MCU: variants seen among roughly 807,000 people sequenced by gnomAD.
MCU encodes calcium uniporter protein, mitochondrial.
MCU carries 12 observed loss-of-function variants against 45.2 expected under a neutral mutation model. The observed-to-expected ratio is 0.27, with a 90% CI of 0.17 to 0.43. MCU has a LOEUF of 0.43. Ranked by LOEUF, MCU falls within the 20% of genes least tolerant of loss-of-function variation. The pLI, the probability that MCU is intolerant of heterozygous loss-of-function variation, is 1.00. For missense variants in MCU, 324 were observed against 436.7 expected (o/e 0.74, Z 2.30); for synonymous variants, 160 against 165.1 (o/e 0.97, Z 0.24).
chr10:72,849,879 G>C (rs533131771), intron 2 of MCU, among the ~76,000 whole-genome samples: 13 of 151,752 alleles, frequency 8.6e-5, no homozygotes, highest in Admixed American at 7.9e-4. Flanking sequence ...AATTGCATTG[G>C]ATTGAACTCT....
chr10:72,806,234 C>T (rs527275622), intron 1 of MCU, among the ~76,000 whole-genome samples: 139 of 150,776 alleles, frequency 9.2e-4, no homozygotes, highest in Admixed American at 6.8e-3. Context: ...CTTGGCTCAC[C>T]GCAACCTCCG....
chr10:72,791,864 T>G (rs1486467923), intron 1 of MCU, among the ~76,000 whole-genome samples: 2 of 152,092 alleles, frequency 1.3e-5, no homozygotes, highest in Non-Finnish European at 2.9e-5. Flanking sequence ...CTAAAAAGAT[T>G]TTTAAGTGAT....
intron 1 of MCU, among the ~76,000 whole-genome samples, chr10:72,810,198 C>G (rs1459686868): frequency 6.6e-6 from 1 of 151,780 alleles, no homozygotes; most frequent in Non-Finnish European, 1.5e-5. Context: ...GACTTCTTTC[C>G]CTGTGTTAGA....
At chr10:72,872,412 C>G (rs1248003797) in intron 6 of MCU, among the ~76,000 whole-genome samples, 1 of 152,174 alleles carries the variant, frequency 6.6e-6, no homozygotes, top group African/African-American at 2.4e-5. Flanking sequence ...TCTCCTCTAC[C>G]CTTCCCAGCC....
intron 1 of MCU, 103 bp from the exon 2 acceptor site, chr10:72,834,256 A>T: frequency 3.0e-6 from 2 of 676,916 alleles, no homozygotes; most frequent in Non-Finnish European, 4.7e-6. Context: ...CAAAGCATGC[A>T]TATTACTTAA....
chr10:72,760,049 T>G (rs1211509607), intron 1 of MCU, among the ~76,000 whole-genome samples: 1 of 14,978 alleles, frequency 6.7e-5, no homozygotes, highest in Non-Finnish European at 1.9e-4. Flanking sequence ...AAACTTTAAA[T>G]TTTTTTTTTT....
chr10:72,853,524 A>G (rs1845240571), intron 2 of MCU, among the ~76,000 whole-genome samples: 1 of 152,220 alleles, frequency 6.6e-6, no homozygotes, highest in Admixed American at 6.5e-5. Flanking sequence ...CAATATCACA[A>G]TGGCCTAACA....
In MCU at chr10:72,884,307, A is replaced by G. The variant is rs779260184; in HGVS notation, c.903A>G (p.Leu301=). 1.2e-6 allele frequency: 2 copies of G among 1,612,134 alleles called. No individual in the cohort carries two copies. Among genetic ancestry groups the G allele is most frequent in the South Asian group, 2.2e-5 (2 of 91,054 alleles). The change falls in exon 7 of 8, where the codon CTA becomes CTG. Residue 301 remains leucine (L), a synonymous_variant. Transcript: ENST00000373053. ...AAGCCAGAGACAGACAATACTTACT[A>G]TTTTTCCATAAAGGAGCCAAAAAGT... ...YPEARDRQYL[L]FFHKGAKKSR...
intron 1 of MCU, among the ~76,000 whole-genome samples, chr10:72,755,800 CAG>C (rs1843567731): frequency 6.6e-6 from 1 of 151,388 alleles, no homozygotes; most frequent in South Asian, 2.1e-4. Context: ...AAGGTTGTGC[CAG>C]AGTACTTGCT....
At chr10:72,746,582 T>A (rs960137268) in intron 1 of MCU, among the ~76,000 whole-genome samples, 5 of 152,198 alleles carry the variant, frequency 3.3e-5, no homozygotes, top group Admixed American at 6.5e-5. Flanking sequence ...TTCTAGGGTA[T>A]GTAATAAGAC....
intron 6 of MCU, among the ~76,000 whole-genome samples, chr10:72,882,400 C>CA (rs1845717049): frequency 6.6e-6 from 1 of 152,204 alleles, no homozygotes; most frequent in Non-Finnish European, 1.5e-5. Flanking sequence ...TCTCTTCTTT[C>CA]AAAAGCAAAT....
chr10:72,775,319 A>C (rs1162601548), intron 1 of MCU, among the ~76,000 whole-genome samples: 1 of 152,166 alleles, frequency 6.6e-6, no homozygotes, highest in Non-Finnish European at 1.5e-5. Context: ...AAAATTAGGA[A>C]AATTAAAAAG....
chr10:72,770,466 C>CT (rs1564551686), intron 1 of MCU, among the ~76,000 whole-genome samples: 1 of 152,062 alleles, frequency 6.6e-6, no homozygotes, highest in East Asian at 1.9e-4. Flanking sequence ...TTTCCTCTTT[C>CT]TTTTTTGTGC....
intron 1 of MCU, among the ~76,000 whole-genome samples, chr10:72,696,690 T>C (rs1842692119): frequency 6.6e-6 from 1 of 152,126 alleles, no homozygotes; most frequent in African/African-American, 2.4e-5. Flanking sequence ...GCTCATAGAC[T>C]CTAGCACAAT....
rs769065112 is a variant in MCU at position 72,859,162 on chromosome 10, G to A, written c.221-15G>A. ...AAATCCAATTATCATATGTTTGTGG[G>A]TCTTTTTCATTCAGATGTTACAGTG... On this transcript the variant is annotated splice_polypyrimidine_tract_variant and intron_variant, in intron 2 of 7. Coordinates refer to ENST00000373053, the MANE Select transcript of MCU (RefSeq NM_138357.3). 2 of 1,557,502 alleles carry A rather than the reference G, an allele frequency of 1.3e-6. No homozygotes were observed. Among genetic ancestry groups the A allele is most frequent in the Admixed American group, 2.0e-5 (1 of 50,382 alleles).
intron 5 of MCU, 109 bp from the exon 6 acceptor site, chr10:72,871,268 G>A: frequency 3.2e-6 from 3 of 929,936 alleles, no homozygotes; most frequent in Non-Finnish European, 5.2e-6. Flanking sequence ...CTAGAATTGA[G>A]ACTTGTGTCT....
intron 1 of MCU, among the ~76,000 whole-genome samples, chr10:72,825,685 G>A (rs2132822015): frequency 6.6e-6 from 1 of 152,222 alleles, no homozygotes; most frequent in East Asian, 1.9e-4. Flanking sequence ...GATAGACAAG[G>A]CCCCATAGCA....
intron 1 of MCU, among the ~76,000 whole-genome samples, chr10:72,804,912 C>T (rs1326381679): frequency 6.6e-6 from 1 of 152,164 alleles, no homozygotes; most frequent in African/African-American, 2.4e-5. Flanking sequence ...GCTGGGACTA[C>T]AGGTGTGTGC....
intron 4 of MCU, among the ~76,000 whole-genome samples, chr10:72,866,121 T>C (rs1845452783): frequency 6.6e-6 from 1 of 152,094 alleles, no homozygotes; most frequent in African/African-American, 2.4e-5. Flanking sequence ...TTTTTCTTCT[T>C]TTGATAAAAT....
Sources: gnomAD v4.1 joint callset for allele counts (sites outside exome capture counted in the v4.1 genomes callset) on GRCh38, gnomAD v4.1.1 for gene constraint, MANE v1.5 for transcripts, NCBI Gene and HGNC (gene_info 2026-07-23, HGNC 2026-07-21) for gene names.